Variants in ATAD5 observed in about 807,000 individuals in gnomAD.
ATAD5 encodes the protein ATPase family AAA domain-containing protein 5.
ATAD5 carries 58 observed loss-of-function variants against 176.9 expected under a neutral mutation model. That is an observed-to-expected ratio of 0.33 (90% confidence interval 0.27 to 0.41). The LOEUF is 0.41. Among genes scored for constraint, ATAD5 ranks in the 10% least tolerant of loss-of-function variants. ATAD5 has a pLI of 1.00. For synonymous variants in ATAD5, 640 were observed against 712.6 expected, an observed-to-expected ratio of 0.90 and a Z score of 1.62; for missense variants, 1,789 against 2,094.1, an observed-to-expected ratio of 0.85 and a Z score of 2.84.
intron 14 of ATAD5, among the ~76,000 whole-genome samples, chr17:30,871,599 C>T (rs79933060): frequency 1.3e-5 from 2 of 152,050 alleles, no homozygotes; most frequent in Non-Finnish European, 2.9e-5. Context: ...ATCCACCCCC[C>T]ATGGCCTCCC....
chr17:30,878,839 C>G (rs1908842093), intron 17 of ATAD5, among the ~76,000 whole-genome samples: 1 of 143,050 alleles, frequency 7.0e-6, no homozygotes, highest in South Asian at 2.2e-4. Context: ...TCAAGTGATT[C>G]TCCTGTCTCA....
rs1906067878 is a variant in ATAD5 at position 30,840,912 on chromosome 17, T to A, written c.2241+131T>A. On this transcript the variant is annotated intron_variant, in intron 4 of 22. Transcript: ENST00000321990. Reference sequence around the variant, plus strand: ...TGAAGTGGTAGAGAGAATATCATTTTCAGTTTTGCTTTAAAAGCCTTCTGC... The same window carrying A: ...TGAAGTGGTAGAGAGAATATCATTTACAGTTTTGCTTTAAAAGCCTTCTGC... 7.7e-6 allele frequency: 7 copies of A among 913,514 alleles called. No homozygotes were observed. The South Asian group carries it at 1.4e-4, about 19-fold the overall frequency. 56.6% of individuals were successfully genotyped at this position (913,514 alleles called of 1,614,324 possible).
At chr17:30,890,437 T>G (rs1909577478) in intron 19 of ATAD5, among the ~76,000 whole-genome samples, 3 of 147,986 alleles carry the variant, frequency 2.0e-5, no homozygotes, top group Admixed American at 2.0e-4. Flanking sequence ...TTTTTTTTTT[T>G]TTGAGATGGA....
chr17:30,873,597 C>T (rs373120843), intron 14 of ATAD5, among the ~76,000 whole-genome samples: 1 of 151,492 alleles, frequency 6.6e-6, no homozygotes, highest in Non-Finnish European at 1.5e-5. Context: ...GGATTACAGG[C>T]GTGAGCCACT....
At chr17:30,892,296 G>A (rs71372243) in intron 19 of ATAD5, among the ~76,000 whole-genome samples, 1,809 of 151,828 alleles carry the variant, frequency 0.012, 19 homozygotes, top group Non-Finnish European at 0.018. Context: ...GTGGTAGCGC[G>A]TGCCTGTAAT....
intron 18 of ATAD5, among the ~76,000 whole-genome samples, chr17:30,881,228 C>CA (rs1908995398): frequency 6.6e-6 from 1 of 151,532 alleles, no homozygotes; most frequent in South Asian, 2.1e-4. Context: ...TTCCAGGCTG[C>CA]AGTGAGATAA....
intron 3 of ATAD5, among the ~76,000 whole-genome samples, chr17:30,837,989 A>G (rs1272767348): frequency 6.6e-6 from 1 of 152,214 alleles, no homozygotes; most frequent in Non-Finnish European, 1.5e-5. Context: ...TTTTGGCTGG[A>G]TAATTCTTTA....
At position 30,858,172 on chromosome 17, in the gene ATAD5, A is replaced by G; in HGVS notation, c.2805A>G (p.Thr935=). 1 of 1,560,562 alleles carries G rather than the reference A, an allele frequency of 6.4e-7. No individual in the cohort carries two copies. Among genetic ancestry groups the G allele is most frequent in the Non-Finnish European group, 8.7e-7 (1 of 1,155,802 alleles). Residue 935 remains threonine (T), a synonymous_variant, in exon 9 of 23, where the codon ACA becomes ACG. Transcript: ENST00000321990. ...ATTCTTTATTGCAGTTCATGAGGACAAGGAAGGAATTTACTGAAGAAGTAA... is the reference window on the plus strand; with the variant it reads ...ATTCTTTATTGCAGTTCATGAGGACGAGGAAGGAATTTACTGAAGAAGTAA... The part of the protein sequence containing the change: ...SGNSAAVFMR[T]RKEFTEEVRN...
intron 3 of ATAD5, among the ~76,000 whole-genome samples, chr17:30,838,994 G>A (rs1034660526): frequency 5.9e-5 from 9 of 151,694 alleles, no homozygotes; most frequent in African/African-American, 1.9e-4. Context: ...TTTTCTTTTC[G>A]TTTGTTATTT....
At chr17:30,858,698 T>A (rs1405152519) in intron 9 of ATAD5, among the ~76,000 whole-genome samples, 1 of 151,758 alleles carries the variant, frequency 6.6e-6, no homozygotes, top group Non-Finnish European at 1.5e-5. Flanking sequence ...TTTTTTCTTT[T>A]TTTTTAGAGT....
intron 3 of ATAD5, among the ~76,000 whole-genome samples, chr17:30,838,582 T>C (rs1905896757): frequency 6.6e-6 from 1 of 152,224 alleles, no homozygotes; most frequent in Admixed American, 6.5e-5. Context: ...TTTAGTCTTT[T>C]GGAAAACATG....
chr17:30,887,622 A>G (rs1224180972), intron 19 of ATAD5, among the ~76,000 whole-genome samples: 1 of 152,114 alleles, frequency 6.6e-6, no homozygotes, highest in Non-Finnish European at 1.5e-5. Context: ...CAGCCTGCGC[A>G]AGAAAGCGAG....
At chr17:30,883,923 G>C (rs1310061009) in intron 18 of ATAD5, among the ~76,000 whole-genome samples, 1 of 151,998 alleles carries the variant, frequency 6.6e-6, no homozygotes. Flanking sequence ...ATATGGCTTG[G>C]TTTTTAAAAT....
At chr17:30,862,545 G>T (rs111494793) in intron 10 of ATAD5, among the ~76,000 whole-genome samples, 1 of 151,968 alleles carries the variant, frequency 6.6e-6, no homozygotes, top group African/African-American at 2.4e-5. Flanking sequence ...GGATTCAAGC[G>T]ATTCTCCTGC....
intron 14 of ATAD5, among the ~76,000 whole-genome samples, chr17:30,873,906 C>T (rs1360950308): frequency 1.3e-5 from 2 of 152,002 alleles, no homozygotes; most frequent in African/African-American, 4.8e-5. Context: ...GTGGGTCATG[C>T]CTGTAATCCC....
chr17:30,843,043 T>C (rs1305808960), intron 4 of ATAD5, among the ~76,000 whole-genome samples: 2 of 151,244 alleles, frequency 1.3e-5, no homozygotes, highest in African/African-American at 2.4e-5. Context: ...CGTCCGGCAT[T>C]AGTTGCTTTT....
intron 8 of ATAD5, 105 bp from the exon 9 acceptor site, chr17:30,858,056 T>TA (rs1907391415): frequency 2.2e-5 from 24 of 1,086,632 alleles, no homozygotes; most frequent in Non-Finnish European, 2.8e-5. Flanking sequence ...AAGCTAATCT[T>TA]ACGTTGATAC....
chr17:30,876,999 G>T (rs1908720269), intron 15 of ATAD5, among the ~76,000 whole-genome samples: 1 of 151,632 alleles, frequency 6.6e-6, no homozygotes, highest in Non-Finnish European at 1.5e-5. Context: ...TTACAGATAT[G>T]AGCCACCACG....
intron 6 of ATAD5, among the ~76,000 whole-genome samples, chr17:30,854,236 T>C (rs925864350): frequency 2.0e-5 from 3 of 147,334 alleles, no homozygotes; most frequent in Non-Finnish European, 4.5e-5. Context: ...TATATAATTA[T>C]ATTTTATAGA....
Sources: gnomAD v4.1 joint callset for allele counts (sites outside exome capture counted in the v4.1 genomes callset) on GRCh38, gnomAD v4.1.1 for gene constraint, MANE v1.5 for transcripts, NCBI Gene and HGNC (gene_info 2026-07-23, HGNC 2026-07-21) for gene names.